Variants in SKP2 observed in about 807,000 individuals in gnomAD.
SKP2 encodes S-phase kinase associated protein 2.
Under a neutral mutation model 51.8 loss-of-function variants are expected in SKP2, and 16 were observed. The observed-to-expected ratio is 0.31, with a 90% CI of 0.21 to 0.47. The LOEUF is 0.47. SKP2 is among the 20% of genes least tolerant of loss of function. The pLI is 1.00. For synonymous variants in SKP2, 176 were observed against 198.6 expected, an observed-to-expected ratio of 0.89 and a Z score of 0.96; for missense variants, 377 against 505.3, an observed-to-expected ratio of 0.75 and a Z score of 2.43.
chr5:36,164,446 GC>G (rs1463435354), intron 3 of SKP2, among the ~76,000 whole-genome samples: 3 of 152,154 alleles, frequency 2.0e-5, no homozygotes, highest in Non-Finnish European at 4.4e-5. Context: ...CAAGAAAAAG[GC>G]TATGTTTATC....
intron 2 of SKP2, among the ~76,000 whole-genome samples, chr5:36,161,182 T>C (rs2111962508): frequency 6.6e-6 from 1 of 152,132 alleles, no homozygotes; most frequent in South Asian, 2.1e-4. Context: ...TTATTTATCA[T>C]TGTGTCCTTA....
chr5:36,172,279 T>G (rs1314123822), intron 7 of SKP2, among the ~76,000 whole-genome samples: 3 of 63,328 alleles, frequency 4.7e-5, no homozygotes, highest in Non-Finnish European at 2.1e-4. Context: ...ATAAACTCTG[T>G]TAATAAGTTC....
At chr5:36,155,507 T>C (rs1744918251) in intron 2 of SKP2, among the ~76,000 whole-genome samples, 1 of 152,230 alleles carries the variant, frequency 6.6e-6, no homozygotes, top group Non-Finnish European at 1.5e-5. Context: ...GTAAAACCCT[T>C]AGCATGCCAC....
chr5:36,165,621 A>C (rs1159069431), intron 3 of SKP2, among the ~76,000 whole-genome samples: 3 of 152,146 alleles, frequency 2.0e-5, no homozygotes, highest in East Asian at 3.9e-4. Flanking sequence ...TCTACAGTCC[A>C]CCTTTTTAAT....
At chr5:36,153,096 T>C (rs1463629109) in intron 2 of SKP2, 54 bp downstream of exon 2, 2 of 1,548,216 alleles carry the variant, frequency 1.3e-6, no homozygotes, top group Admixed American at 1.7e-5. Flanking sequence ...TTTAGCTATG[T>C]TGTTGGGAAA....
intron 2 of SKP2, among the ~76,000 whole-genome samples, chr5:36,153,636 G>A (rs923996746): frequency 1.3e-5 from 2 of 152,068 alleles, no homozygotes; most frequent in South Asian, 2.1e-4. Context: ...GTCATTCATC[G>A]CATCTTTCCC....
At chr5:36,186,493 A>C (rs892667389), downstream of SKP2, among the ~76,000 whole-genome samples, 1 of 152,160 alleles carries the variant, frequency 6.6e-6, no homozygotes, top group Admixed American at 6.6e-5. Context: ...TTCTGCATCT[A>C]TTGAGATAAT....
chr5:36,170,897 G>T (rs1336696873), intron 6 of SKP2, among the ~76,000 whole-genome samples: 1 of 152,200 alleles, frequency 6.6e-6, no homozygotes, highest in Admixed American at 6.5e-5. Flanking sequence ...CAGAGTTACA[G>T]ATATTGCTAA....
At chr5:36,171,858 T>C in intron 7 of SKP2, 125 bp downstream of exon 7, 3 of 871,398 alleles carry the variant, frequency 3.4e-6, no homozygotes, top group Non-Finnish European at 5.2e-6. Flanking sequence ...GTTAGTCCCC[T>C]TTTTCAGATG....
In SKP2 at chr5:36,177,203, G is replaced by T; in HGVS notation, c.972G>T (p.Lys324Asn). 1 of 1,609,296 alleles carries T rather than the reference G, an allele frequency of 6.2e-7. No individual in the cohort carries two copies. Reference sequence around the variant, plus strand: ...TTAACAGTGATAGTGTCATGCTAAAGAATGACTGCTTTCAGGAATTTTTCC... The same window carrying T: ...TTAACAGTGATAGTGTCATGCTAAATAATGACTGCTTTCAGGAATTTTTCC... ...HLDLSDSVML[K>N]NDCFQEFFQL... Residue 324 changes from lysine to asparagine, a missense_variant, in exon 9 of 10, where the codon AAG becomes AAT. Coordinates refer to ENST00000274255, the MANE Select transcript of SKP2 (RefSeq NM_005983.4).
At chr5:36,186,477 G>A (rs1745956822), downstream of SKP2, among the ~76,000 whole-genome samples, 1 of 152,180 alleles carries the variant, frequency 6.6e-6, no homozygotes, top group Non-Finnish European at 1.5e-5. Flanking sequence ...TTTTGTCAAA[G>A]GCCTTTTCTG....
rs1745840826 is a variant in SKP2, at chr5:36,182,429, T to C, written c.*398T>C. 1 of 997,268 alleles carries C rather than the reference T, an allele frequency of 1.0e-6. No homozygotes were observed. Among genetic ancestry groups the C allele is most frequent in the Non-Finnish European group, 1.2e-6 (1 of 835,668 alleles). The allele number at this position is 997,268 out of a possible 1,614,324, so 61.8% of individuals were successfully genotyped here. On this transcript the variant is annotated 3_prime_UTR_variant, in exon 10 of 10. Transcript: ENST00000274255. ...AACTTTTATCTATTTAATTTTATAG[T>C]ATTGCTTTATAAGACAGCTTAGAAG...
chr5:36,162,900 G>T (rs1745168162), intron 2 of SKP2, among the ~76,000 whole-genome samples: 1 of 152,186 alleles, frequency 6.6e-6, no homozygotes, highest in Admixed American at 6.5e-5. Flanking sequence ...CCACATGGCG[G>T]CATCAAGTGC....
chr5:36,188,358 T>C (rs568216491), downstream of SKP2, among the ~76,000 whole-genome samples: 6 of 152,388 alleles, frequency 3.9e-5, no homozygotes, highest in Middle Eastern at 3.4e-3. Flanking sequence ...GTTTTTGCAG[T>C]GGCTGGTACC....
At chr5:36,164,955 C>CT (rs1745240827) in intron 3 of SKP2, among the ~76,000 whole-genome samples, 1 of 152,144 alleles carries the variant, frequency 6.6e-6, no homozygotes, top group Non-Finnish European at 1.5e-5. Context: ...ATTCTGACTA[C>CT]AATACAGTAT....
In SKP2 at chr5:36,171,651, T is replaced by A. The variant is rs144572232; in HGVS notation, c.819T>A (p.His273Gln). The A allele has an allele frequency of 9.9e-6, 16 of 1,613,724 alleles. No homozygotes were observed. In the East Asian group the frequency reaches 3.6e-4, roughly 36 times the overall value. ...GGTGTTTTGATTTCACTGAAAAGCA[T>A]GTACAGGTGGCTGTTGCGCATGTGT... ...LSWCFDFTEK[H>Q]VQVAVAHVSE... Residue 273 changes from histidine to glutamine, a missense_variant, in exon 7 of 10, where the codon CAT (histidine) becomes CAA (glutamine). Around this residue, in one of 2 missense-constraint regions of SKP2, gnomAD observed 262 missense variants for 389.8 expected, o/e 0.67. Transcript: ENST00000274255.
In SKP2 at chr5:36,183,740, C is replaced by G. The variant is rs1484856626; in HGVS notation, c.*1709C>G. On this transcript the variant is annotated 3_prime_UTR_variant, in exon 10 of 10. Transcript: ENST00000274255. ...ATGAAGTGCCTTTATCTGCTTAGAC[C>G]TAAGGAAGATTTTAAAGTTGGGTTG... 30 of 1,445,706 alleles carry G rather than the reference C, an allele frequency of 2.1e-5. No homozygotes were observed. Among genetic ancestry groups the G allele is most frequent in the Non-Finnish European group, 1.7e-5 (19 of 1,101,194 alleles). 89.6% of individuals were successfully genotyped at this position (1,445,706 alleles called of 1,614,324 possible).
At chr5:36,163,053 C>T (rs1331784817) in intron 2 of SKP2, among the ~76,000 whole-genome samples, 1 of 152,164 alleles carries the variant, frequency 6.6e-6, no homozygotes, top group Admixed American at 6.5e-5. Context: ...CTGGGTCCCT[C>T]CCGCAACACA....
At chr5:36,187,727 G>A (rs1200939136), downstream of SKP2, among the ~76,000 whole-genome samples, 7 of 152,216 alleles carry the variant, frequency 4.6e-5, no homozygotes, top group Non-Finnish European at 1.0e-4. Flanking sequence ...TTGGGGTGGA[G>A]AGTTCTGTAG....
Sources: gnomAD v4.1 joint callset for allele counts (sites outside exome capture counted in the v4.1 genomes callset) on GRCh38, gnomAD v4.1.1 for gene constraint, gnomAD v4.1.1 regional missense constraint, MANE v1.5 for transcripts, NCBI Gene and HGNC (gene_info 2026-07-23, HGNC 2026-07-21) for gene names.